The following PLXDC2 variants were observed in gnomAD, a reference collection of about 807,000 sequenced individuals.
PLXDC2 encodes plexin domain containing 2, also known as plexin domain-containing protein 2.
In PLXDC2, 40 loss-of-function variants were observed where a neutral mutation model predicts 68.9. That is an observed-to-expected ratio of 0.58 (90% CI 0.45 to 0.76). The LOEUF is 0.76. Ranked by LOEUF, PLXDC2 falls within the 30% of genes least tolerant of loss-of-function variation. PLXDC2 has a pLI of 0.00. For missense variants in PLXDC2, 644 were observed against 661.9 expected (o/e 0.97, Z 0.30); for synonymous variants, 243 against 234.2 (o/e 1.04, Z -0.34).
chr10:19,834,236 A>G (rs1836746792), intron 1 of PLXDC2, among the ~76,000 whole-genome samples: 2 of 152,200 alleles, frequency 1.3e-5, no homozygotes, highest in South Asian at 4.1e-4. Context: ...AGACAGGTAT[A>G]GTGTCCAGGT....
At chr10:20,035,978 A>G (rs1835570725) in intron 2 of PLXDC2, among the ~76,000 whole-genome samples, 1 of 152,190 alleles carries the variant, frequency 6.6e-6, no homozygotes. Flanking sequence ...CAAGACAGAT[A>G]ACTGTGGATT....
chr10:20,006,042 T>C (rs1321328454), intron 2 of PLXDC2, among the ~76,000 whole-genome samples: 1 of 151,804 alleles, frequency 6.6e-6, no homozygotes, highest in Non-Finnish European at 1.5e-5. Context: ...ATACAAAAAT[T>C]AGCTGGCGAG....
At chr10:20,176,390 A>ATGTGTGTGTGTGTG (rs66825907) in intron 7 of PLXDC2, among the ~76,000 whole-genome samples, 129 of 149,434 alleles carry the variant, frequency 8.6e-4, no homozygotes, top group African/African-American at 2.9e-3. Flanking sequence ...TCGCACAGTT[A>ATGTGTGTGTGTGTG]TGTGTGTGTG....
rs1409704280 is a variant in PLXDC2, at chr10:19,950,451, A to G, written c.113-51324A>G. 2.6e-5 allele frequency among the ~76,000 whole-genome samples: 4 copies of G among 152,292 alleles called. No individual in the cohort carries two copies. In the East Asian group the frequency reaches 7.7e-4, roughly 29 times the overall value. ...GTATCCCTAGGAATACATCTAACCAAGGAGGTGAAAGATCTCTACAAGGAG... is the reference window on the plus strand; with the variant it reads ...GTATCCCTAGGAATACATCTAACCAGGGAGGTGAAAGATCTCTACAAGGAG... On this transcript the variant is annotated intron_variant, in intron 1 of 13. Transcript: ENST00000377252.
intron 9 of PLXDC2, among the ~76,000 whole-genome samples, chr10:20,192,918 G>C (rs1000844417): frequency 6.6e-6 from 1 of 152,068 alleles, no homozygotes; most frequent in African/African-American, 2.4e-5. Context: ...AATGTTGTCT[G>C]TGAATGATGA....
At chr10:20,220,437 G>A (rs184284037) in intron 12 of PLXDC2, among the ~76,000 whole-genome samples, 5 of 152,032 alleles carry the variant, frequency 3.3e-5, no homozygotes, top group African/African-American at 1.2e-4. Flanking sequence ...TAATATGGGT[G>A]GTCATTATAT....
chr10:20,184,343 C>T (rs1000800480), intron 9 of PLXDC2, among the ~76,000 whole-genome samples: 16 of 147,696 alleles, frequency 1.1e-4, no homozygotes, highest in African/African-American at 3.7e-4. Flanking sequence ...GTATATAAAA[C>T]ATAATATATA....
chr10:19,926,395 G>A (rs1833537365), intron 1 of PLXDC2, among the ~76,000 whole-genome samples: 1 of 152,162 alleles, frequency 6.6e-6, no homozygotes, highest in Admixed American at 6.5e-5. Flanking sequence ...CAGTATTGCA[G>A]TATTATATTG....
At chr10:20,224,736 A>G (rs1313285611) in intron 12 of PLXDC2, among the ~76,000 whole-genome samples, 1 of 152,220 alleles carries the variant, frequency 6.6e-6, no homozygotes, top group African/African-American at 2.4e-5. Flanking sequence ...ATTATTCAAA[A>G]TTGGTTAACT....
At chr10:20,266,285 A>C (rs1017200498) in intron 13 of PLXDC2, among the ~76,000 whole-genome samples, 6 of 151,732 alleles carry the variant, frequency 4.0e-5, no homozygotes, top group African/African-American at 1.5e-4. Context: ...TTTTGAGCAA[A>C]GTAAAATCAA....
chr10:20,175,993 C>T (rs979837778), intron 7 of PLXDC2, among the ~76,000 whole-genome samples: 2 of 152,016 alleles, frequency 1.3e-5, no homozygotes, highest in African/African-American at 4.8e-5. Flanking sequence ...TAGTATAAGG[C>T]TTAAAAGGGG....
intron 2 of PLXDC2, among the ~76,000 whole-genome samples, chr10:20,027,200 C>T (rs765742276): frequency 2.0e-4 from 30 of 151,828 alleles, no homozygotes; most frequent in South Asian, 8.3e-4. Flanking sequence ...TTCTTAAGTG[C>T]GGTGGTCTCA....
chr10:19,849,906 T>C (rs1338428874), intron 1 of PLXDC2, among the ~76,000 whole-genome samples: 1 of 152,166 alleles, frequency 6.6e-6, no homozygotes, highest in Non-Finnish European at 1.5e-5. Flanking sequence ...TTTCCAAAGT[T>C]CTTCCTAAAG....
chr10:20,276,686 C>T (rs1836010927), intron 13 of PLXDC2, among the ~76,000 whole-genome samples: 1 of 152,104 alleles, frequency 6.6e-6, no homozygotes, highest in African/African-American at 2.4e-5. Flanking sequence ...TGATGAGTTT[C>T]TGTAACAATT....
chr10:20,234,003 T>G (rs2131881299), intron 12 of PLXDC2, among the ~76,000 whole-genome samples: 1 of 151,836 alleles, frequency 6.6e-6, no homozygotes, highest in South Asian at 2.1e-4. Context: ...TTTTTTTTAT[T>G]TTTTGTAGAG....
chr10:19,892,312 C>T (rs1295610511), intron 1 of PLXDC2, among the ~76,000 whole-genome samples: 1 of 152,092 alleles, frequency 6.6e-6, no homozygotes, highest in African/African-American at 2.4e-5. Context: ...CTTGAAGGAC[C>T]TAATTTGTCC....
intron 1 of PLXDC2, among the ~76,000 whole-genome samples, chr10:19,916,534 A>G (rs12778053): frequency 0.1 from 15,626 of 151,912 alleles, 810 homozygotes; most frequent in South Asian, 0.12. Context: ...AAAAATTACA[A>G]TGGTAATGGT....
intron 4 of PLXDC2, chr10:20,071,054 C>G (rs1338042550): frequency 6.6e-6 from 1 of 151,940 alleles, no homozygotes; most frequent in Non-Finnish European, 1.5e-5. Flanking sequence ...CCTTTTGTTT[C>G]TCTACTTAAA....
rs576551259 is a variant in PLXDC2 at position 20,286,464 on chromosome 10, T to C, written c.*6645T>C. ...GGCTTCTCTTCATTCCACGAGAATT[T>C]TGATTTTTAACAGCAGTCTCTCTTT... On this transcript the variant is annotated 3_prime_UTR_variant, in exon 14 of 14. Transcript: ENST00000377252. 1 of 152,320 alleles carries C rather than the reference T, an allele frequency of 6.6e-6. No homozygotes were observed. The highest frequency in any genetic ancestry group is 2.4e-5 in the African/African-American group (1 of 41,580). 9.4% of individuals were successfully genotyped at this position (152,320 alleles called of 1,614,324 possible). A position where few individuals can be genotyped will look rare whatever the true frequency, so the allele number is the denominator to read the frequency against.
Sources: allele counts gnomAD v4.1 joint callset (sites outside exome capture counted in the v4.1 genomes callset), GRCh38; gene constraint gnomAD v4.1.1; transcripts MANE v1.5; gene names NCBI Gene and HGNC (gene_info 2026-07-23, HGNC 2026-07-21).